The following HIVEP1 variants were observed in gnomAD, a reference collection of about 807,000 sequenced individuals.
HIVEP1 encodes the protein HIVEP zinc finger 1, also known as zinc finger protein 40.
Under a neutral mutation model 180.0 loss-of-function variants are expected in HIVEP1, and 36 were observed. The ratio of observed to expected loss-of-function variants is 0.20; its 90% confidence interval spans 0.15 to 0.26. The LOEUF is 0.26. Ranked by LOEUF, HIVEP1 falls within the 10% of genes least tolerant of loss-of-function variation. The pLI is 1.00. For missense variants in HIVEP1, 3,143 were observed against 3,268.7 expected, an observed-to-expected ratio of 0.96 and a Z score of 0.94; for synonymous variants, 1,239 against 1,239.0, an observed-to-expected ratio of 1.00 and a Z score of 0.00.
At chr6:12,017,880 C>T (rs1025988112) in intron 2 of HIVEP1, among the ~76,000 whole-genome samples, 8 of 152,238 alleles carry the variant, frequency 5.3e-5, no homozygotes, top group South Asian at 2.1e-4. Context: ...CAGTGGATCC[C>T]GCACTGGGGC....
At chr6:12,051,796 T>C (rs935609669) in intron 2 of HIVEP1, among the ~76,000 whole-genome samples, 1 of 152,242 alleles carries the variant, frequency 6.6e-6, no homozygotes, top group African/African-American at 2.4e-5. Context: ...TAAACGCTTA[T>C]TCACTGTGCT....
At position 12,121,485 on chromosome 6, in the gene HIVEP1, G is replaced by T; in HGVS notation, c.1690G>T (p.Val564Leu). 6.2e-7 allele frequency: 1 copy of T among 1,614,202 alleles called. No homozygotes were observed. Among genetic ancestry groups the T allele is most frequent in the East Asian group, 2.2e-5 (1 of 44,886 alleles). Residue 564 changes from valine (V) to leucine (L), a missense_variant, in exon 4 of 9, where the codon GTG becomes TTG. Physicochemically the swap from Val to Leu is conservative, Grantham distance 32 (BLOSUM62 1). Transcript: ENST00000379388. The surrounding 1 kb of genome is among the most constrained non-coding windows in gnomAD (Gnocchi z 5.3). ...AGCTGTGACAGAGTTACCGAAAGTT[G>T]TGGTCCACCATGTCACTGTGTCCCC... ...SQAVTELPKV[V>L]VHHVTVSPLR...
intron 4 of HIVEP1, among the ~76,000 whole-genome samples, chr6:12,128,567 A>G (rs936952917): frequency 1.1e-4 from 17 of 152,090 alleles, no homozygotes; most frequent in African/African-American, 3.9e-4. Flanking sequence ...TTTACTTAAC[A>G]CTTGACCTGG....
rs143678319 is a variant in HIVEP1 at position 12,135,483 on chromosome 6, G to A, written c.6386-308G>A. Reference sequence around the variant, plus strand: ...CTACAGATCATAGTGTAGTCTGAACGGGACTTTAAATTAAGTATGTATAAA... The same window carrying A: ...CTACAGATCATAGTGTAGTCTGAACAGGACTTTAAATTAAGTATGTATAAA... On this transcript the variant is annotated intron_variant, in intron 6 of 8. Coordinates refer to ENST00000379388, the MANE Select transcript of HIVEP1 (RefSeq NM_002114.4). Among the ~76,000 whole-genome samples, 677 of 152,202 alleles carry A rather than the reference G, an allele frequency of 4.4e-3. 6 individuals carry two copies. Among genetic ancestry groups the A allele is most frequent in the African/African-American group, 0.015 (622 of 41,516 alleles).
chr6:12,169,770 T>C (rs1488933697), downstream of HIVEP1, among the ~76,000 whole-genome samples: 2 of 152,172 alleles, frequency 1.3e-5, no homozygotes, highest in Non-Finnish European at 2.9e-5. Context: ...GACAAATGTG[T>C]GCCAGGGACC....
At chr6:12,024,262 T>C (rs1768437984) in intron 2 of HIVEP1, among the ~76,000 whole-genome samples, 1 of 152,072 alleles carries the variant, frequency 6.6e-6, no homozygotes, top group African/African-American at 2.4e-5. Context: ...TTTTTTTTTT[T>C]TTTTTTACAA....
At chr6:12,138,386 A>G (rs1206238606) in intron 7 of HIVEP1, among the ~76,000 whole-genome samples, 1 of 152,178 alleles carries the variant, frequency 6.6e-6, no homozygotes, top group African/African-American at 2.4e-5. Flanking sequence ...CTTTTACTCC[A>G]TTAAACTGAT....
At chr6:12,066,546 G>C (rs1771601500) in intron 2 of HIVEP1, among the ~76,000 whole-genome samples, 1 of 152,164 alleles carries the variant, frequency 6.6e-6, no homozygotes, top group Admixed American at 6.5e-5. Flanking sequence ...TTTTTGGCCA[G>C]AGTCCTTGGA....
At chr6:12,108,898 G>C (rs13193986) in intron 3 of HIVEP1, among the ~76,000 whole-genome samples, 40,506 of 152,280 alleles carry the variant, frequency 0.27, 6,291 homozygotes, top group Non-Finnish European at 0.35. Context: ...CCAGGCAGAG[G>C]AGGCGCCGAG....
chr6:12,113,099 A>G (rs1331346435), intron 3 of HIVEP1, among the ~76,000 whole-genome samples: 1 of 151,696 alleles, frequency 6.6e-6, no homozygotes, highest in Non-Finnish European at 1.5e-5. Context: ...TCATGTGAGC[A>G]CCTGGTGCGG....
chr6:12,033,045 G>A (rs896862725), intron 2 of HIVEP1, among the ~76,000 whole-genome samples: 50 of 152,072 alleles, frequency 3.3e-4, no homozygotes, highest in Middle Eastern at 3.2e-3. Flanking sequence ...TTAACCAATC[G>A]TTTGTCTTAT....
chr6:12,031,806 GT>G (rs1428820668), intron 2 of HIVEP1, among the ~76,000 whole-genome samples: 1 of 152,158 alleles, frequency 6.6e-6, no homozygotes, highest in Admixed American at 6.5e-5. Context: ...TTATGGTTGC[GT>G]TTTGTGGAGA....
At position 12,020,402 on chromosome 6, in the gene HIVEP1, T is replaced by G. The variant is rs138418573; in HGVS notation, c.40+4734T>G. Reference sequence around the variant, plus strand: ...GGGTCACTGGACTGCACGGGGTGGCTCTTCCGCATGGTCTTGGTGAGTTGA... The same window carrying G: ...GGGTCACTGGACTGCACGGGGTGGCGCTTCCGCATGGTCTTGGTGAGTTGA... On this transcript the variant is annotated intron_variant, in intron 2 of 8. Coordinates refer to ENST00000379388, the MANE Select transcript of HIVEP1 (RefSeq NM_002114.4). The G allele has an allele frequency of 5.2e-4, 245 of 471,174 alleles. 1 individual carries two copies. Among genetic ancestry groups the G allele is most frequent in the African/African-American group, 4.4e-3 (223 of 50,190 alleles). The allele number at this position is 471,174 out of a possible 1,614,324, so 29.2% of individuals were successfully genotyped here. A position where few individuals can be genotyped will look rare whatever the true frequency, so the allele number is the denominator to read the frequency against.
chr6:12,099,183 G>GGTTTTTTTTTTT (rs373744044), intron 3 of HIVEP1, among the ~76,000 whole-genome samples: 1 of 138,460 alleles, frequency 7.2e-6, no homozygotes, highest in African/African-American at 2.7e-5. Context: ...ATGTCACTGA[G>GGTTTTTTTTTTT]TTTTTTTTTT....
chr6:12,120,736 T>C lies in HIVEP1; in HGVS notation c.941T>C (p.Leu314Pro). ...CSGFTGSLTN[L>P]QNQENAKLEQ... Reference sequence around the variant, plus strand: ...GGTTTCACAGGATCACTGACAAATCTGCAAAATCAAGAGAATGCCAAACTT... The same window carrying C: ...GGTTTCACAGGATCACTGACAAATCCGCAAAATCAAGAGAATGCCAAACTT... The change falls in exon 4 of 9, where the codon CTG becomes CCG. Residue 314 changes from leucine (L) to proline (P), a missense_variant. By Grantham distance (98) the Leu-to-Pro change is moderately conservative. Transcript: ENST00000379388. 6.2e-7 allele frequency: 1 copy of C among 1,614,250 alleles called. No individual in the cohort carries two copies. Among genetic ancestry groups the C allele is most frequent in the Non-Finnish European group, 8.5e-7 (1 of 1,180,048 alleles).
In HIVEP1 at chr6:12,122,049, A is replaced by G; in HGVS notation, c.2254A>G (p.Ile752Val). Residue 752 changes from isoleucine (I) to valine (V), a missense_variant, in exon 4 of 9, where the codon ATC becomes GTC. Coordinates refer to ENST00000379388, the MANE Select transcript of HIVEP1 (RefSeq NM_002114.4). ...ACTTGAGGAGCGGATATCGAAGCTT[A>G]TCTCAGACAATGAAGCTTTGGTAGA... is the stretch of plus-strand genomic sequence containing the variant. ...KTLEERISKL[I>V]SDNEALVDDK... The G allele has an allele frequency of 6.2e-7, 1 of 1,614,198 alleles. No homozygotes were observed. Among genetic ancestry groups the G allele is most frequent in the Non-Finnish European group, 8.5e-7 (1 of 1,180,024 alleles).
the HIVEP1 span, among the ~76,000 whole-genome samples, chr6:12,183,719 G>A: frequency 0.11 from 16,183 of 151,952 alleles, 962 homozygotes; most frequent in Middle Eastern, 0.21. Flanking sequence ...ACTCAAAATC[G>A]TAGTGTGGCA....
At chr6:12,098,784 T>C (rs922325129) in intron 3 of HIVEP1, among the ~76,000 whole-genome samples, 2 of 152,144 alleles carry the variant, frequency 1.3e-5, no homozygotes, top group South Asian at 4.1e-4. Context: ...TTTAAAAAAT[T>C]AAAAAGCAAA....
At chr6:12,103,090 G>A (rs978903122) in intron 3 of HIVEP1, among the ~76,000 whole-genome samples, 3 of 151,622 alleles carry the variant, frequency 2.0e-5, no homozygotes, top group Non-Finnish European at 2.9e-5. Flanking sequence ...TGTTAATCCC[G>A]GCCCTGTAGT....
Sources: allele counts gnomAD v4.1 joint callset (sites outside exome capture counted in the v4.1 genomes callset), GRCh38; gene constraint gnomAD v4.1.1; non-coding constraint Gnocchi (gnomAD v3.1); transcripts MANE v1.5; gene names NCBI Gene and HGNC (gene_info 2026-07-23, HGNC 2026-07-21).